LRP1B: variants seen among roughly 807,000 people sequenced by gnomAD.
LRP1B encodes low-density lipoprotein receptor-related protein 1B.
LRP1B carries 217 observed loss-of-function variants against 556.6 expected under a neutral mutation model. That is an observed-to-expected ratio of 0.39 (90% CI 0.35 to 0.44). The LOEUF is 0.44. Among genes scored for constraint, LRP1B ranks in the 20% least tolerant of loss-of-function variants. LRP1B has a pLI of 1.00. For missense variants in LRP1B, 5,053 were observed against 5,620.8 expected, an observed-to-expected ratio of 0.90 and a Z score of 3.23; for synonymous variants, 2,047 against 1,865.8, an observed-to-expected ratio of 1.10 and a Z score of -2.50.
intron 66 of LRP1B, among the ~76,000 whole-genome samples, chr2:140,410,898 T>G (rs889397197): frequency 1.3e-5 from 2 of 152,210 alleles, no homozygotes; most frequent in East Asian, 1.9e-4. Context: ...GTCACAGGCC[T>G]GGGTTGAACC....
intron 25 of LRP1B, among the ~76,000 whole-genome samples, chr2:140,879,785 A>C (rs1454020336): frequency 1.3e-5 from 2 of 152,136 alleles, no homozygotes; most frequent in Non-Finnish European, 2.9e-5. Flanking sequence ...TTTTAAAAAA[A>C]GAAACTACAG....
intron 4 of LRP1B, among the ~76,000 whole-genome samples, chr2:141,247,982 T>C (rs185149302): frequency 6.6e-6 from 1 of 152,118 alleles, no homozygotes; most frequent in African/African-American, 2.4e-5. Flanking sequence ...CCTTGGTGGG[T>C]GAATCACCTG....
At chr2:141,749,789 C>G (rs903640910) in intron 2 of LRP1B, among the ~76,000 whole-genome samples, 8 of 152,026 alleles carry the variant, frequency 5.3e-5, no homozygotes, top group African/African-American at 1.9e-4. Flanking sequence ...CTAAATGAGG[C>G]TCTAAATTAT....
rs993194287 is a variant in LRP1B, at chr2:140,461,290, GAATGCCCC to G, written c.9626-3647_9626-3640del. The stretch of plus-strand genomic sequence containing the variant: ...AATCTACTTTAAATACTTAAGAAAC[GAATGCCCC>G]AGTTACACCGTTCTCAGCTTTTTTT... On this transcript the variant is annotated intron_variant, in intron 60 of 90. Coordinates refer to ENST00000389484, the MANE Select transcript of LRP1B (RefSeq NM_018557.3). 5.3e-5 allele frequency among the ~76,000 whole-genome samples: 8 copies of G among 151,972 alleles called. No homozygotes were observed. The East Asian group carries it at 1.4e-3, about 26-fold the overall frequency.
chr2:140,881,787 C>CT (rs562566507), intron 25 of LRP1B, among the ~76,000 whole-genome samples: 11 of 152,286 alleles, frequency 7.2e-5, no homozygotes, highest in Middle Eastern at 3.4e-3. Context: ...TCTGTATTAA[C>CT]TTTCAACTCT....
At chr2:141,993,806 G>C (rs2105120554) in intron 1 of LRP1B, among the ~76,000 whole-genome samples, 1 of 152,126 alleles carries the variant, frequency 6.6e-6, no homozygotes, top group East Asian at 1.9e-4. Flanking sequence ...GATGACTCAA[G>C]GTTAACTTTA....
At chr2:140,953,438 A>G (rs1341889890) in intron 18 of LRP1B, among the ~76,000 whole-genome samples, 1 of 152,142 alleles carries the variant, frequency 6.6e-6, no homozygotes, top group Admixed American at 6.5e-5. Context: ...ACATTTTGTG[A>G]CTAATATTTG....
intron 1 of LRP1B, among the ~76,000 whole-genome samples, chr2:141,920,250 T>A (rs569969894): frequency 7.4e-6 from 1 of 134,906 alleles, no homozygotes; most frequent in African/African-American, 2.7e-5. Flanking sequence ...GATGGTGATC[T>A]CTGTTTCAAT....
intron 86 of LRP1B, among the ~76,000 whole-genome samples, chr2:140,262,564 C>G (rs970783661): frequency 8.5e-5 from 13 of 152,148 alleles, no homozygotes; most frequent in Admixed American, 5.9e-4. Context: ...AACAGAACTT[C>G]TTTACTGTCT....
chr2:141,370,776 A>G (rs1689202137), intron 3 of LRP1B, among the ~76,000 whole-genome samples: 2 of 152,082 alleles, frequency 1.3e-5, no homozygotes, highest in African/African-American at 4.8e-5. Context: ...TTACGGTTTC[A>G]GGTCTCATAT....
chr2:141,315,252 ATTTTTTTTTTTT>A (rs34839276), intron 3 of LRP1B, among the ~76,000 whole-genome samples: 1 of 77,164 alleles, frequency 1.3e-5, no homozygotes, highest in Non-Finnish European at 2.2e-5. Flanking sequence ...AATGATTGTA[ATTTTTTTTTTTT>A]TTTTTTTTTT....
At chr2:140,994,243 G>T in intron 15 of LRP1B, 108 bp from the exon 16 acceptor site, 2 of 878,376 alleles carry the variant, frequency 2.3e-6, no homozygotes, top group South Asian at 1.7e-5. Context: ...ACATATCAGT[G>T]GGATGAGGTA....
At chr2:141,531,751 G>T (rs1377384497) in intron 2 of LRP1B, among the ~76,000 whole-genome samples, 2 of 152,112 alleles carry the variant, frequency 1.3e-5, no homozygotes, top group Non-Finnish European at 2.9e-5. Context: ...AACCATTTCT[G>T]TTCTGACAGA....
At chr2:141,418,878 C>T (rs1680034348) in intron 3 of LRP1B, among the ~76,000 whole-genome samples, 1 of 151,808 alleles carries the variant, frequency 6.6e-6, no homozygotes, top group African/African-American at 2.4e-5. Context: ...CATAGGAGGT[C>T]TTTCCATTAT....
At chr2:140,782,347 G>A (rs556893808) in intron 32 of LRP1B, among the ~76,000 whole-genome samples, 1 of 152,220 alleles carries the variant, frequency 6.6e-6, no homozygotes, top group Admixed American at 6.5e-5. Flanking sequence ...TCTAAACGAG[G>A]CCCCATTAGG....
At chr2:141,339,278 C>T (rs13406676) in intron 3 of LRP1B, among the ~76,000 whole-genome samples, 88,908 of 149,394 alleles carry the variant, frequency 0.6, 27,250 homozygotes, top group African/African-American at 0.68. Context: ...TGTTTGTCAT[C>T]TCACTACTGC....
At chr2:141,562,401 T>C (rs2105249603) in intron 2 of LRP1B, among the ~76,000 whole-genome samples, 1 of 152,094 alleles carries the variant, frequency 6.6e-6, no homozygotes. Context: ...ACTGAGTTTT[T>C]CTTACTCCCT....
At chr2:140,907,073 A>G (rs139666237) in intron 22 of LRP1B, among the ~76,000 whole-genome samples, 34 of 151,902 alleles carry the variant, frequency 2.2e-4, no homozygotes, top group African/African-American at 7.2e-4. Flanking sequence ...TGTCTTTCCT[A>G]CTTTCAATCA....
In LRP1B at chr2:140,675,614, T is replaced by G. The variant is rs564042098; in HGVS notation, c.6799+24636A>C. Among the ~76,000 whole-genome samples the G allele has an allele frequency of 7.3e-5, 11 of 150,988 alleles. No individual in the cohort carries two copies. In the East Asian group the frequency reaches 1.7e-3, roughly 24 times the overall value. ...AGTGAGATTTTGCCTCTACAAAAGTTAAAAAAACAAAAAAAATAGCTGATT... is the reference window on the plus strand; with the variant it reads ...AGTGAGATTTTGCCTCTACAAAAGTGAAAAAAACAAAAAAAATAGCTGATT... On this transcript the variant is annotated intron_variant, in intron 41 of 90. Transcript: ENST00000389484.
Sources: gnomAD v4.1 joint callset for allele counts (sites outside exome capture counted in the v4.1 genomes callset) on GRCh38, gnomAD v4.1.1 for gene constraint, MANE v1.5 for transcripts, NCBI Gene and HGNC (gene_info 2026-07-23, HGNC 2026-07-21) for gene names.